SCN10A: variants seen among roughly 807,000 people sequenced by gnomAD.
SCN10A encodes sodium voltage-gated channel alpha subunit 10, also known as sodium channel protein type 10 subunit alpha.
A neutral mutation model predicts 170.7 loss-of-function variants in SCN10A; 162 were observed. The observed-to-expected ratio is 0.95, with a 90% CI of 0.84 to 1.08. The LOEUF (loss-of-function observed/expected upper bound fraction) is 1.08. SCN10A is among the 50% of genes least tolerant of loss of function. SCN10A has a pLI of 0.00. For synonymous variants in SCN10A, 985 were observed against 904.6 expected, an observed-to-expected ratio of 1.09 and a Z score of -1.59; for missense variants, 2,527 against 2,436.9, an observed-to-expected ratio of 1.04 and a Z score of -0.78.
At chr3:38,791,457 A>G (rs1177902127) in intron 3 of SCN10A, among the ~76,000 whole-genome samples, 1 of 152,204 alleles carries the variant, frequency 6.6e-6, no homozygotes, top group African/African-American at 2.4e-5. Context: ...GATTATTGAC[A>G]TTTTAAACCT....
intron 4 of SCN10A, among the ~76,000 whole-genome samples, chr3:38,780,764 G>T (rs1220395658): frequency 6.6e-6 from 1 of 152,056 alleles, no homozygotes; most frequent in Non-Finnish European, 1.5e-5. Flanking sequence ...AGTTCAAAAT[G>T]GGTTGTAAAG....
intron 6 of SCN10A, 109 bp from the exon 7 acceptor site, chr3:38,761,492 G>A (rs2126032485): frequency 2.2e-6 from 2 of 928,024 alleles, no homozygotes; most frequent in Non-Finnish European, 3.2e-6. Context: ...AGTGAAGTAT[G>A]TACACACTCC....
intron 8 of SCN10A, among the ~76,000 whole-genome samples, chr3:38,759,701 T>C (rs989037427): frequency 1.3e-5 from 2 of 152,170 alleles, no homozygotes; most frequent in Non-Finnish European, 2.9e-5. Flanking sequence ...AGATTTTATA[T>C]AAAAATCTAA....
At chr3:38,716,686 G>T (rs1417958536) in intron 21 of SCN10A, among the ~76,000 whole-genome samples, 1 of 152,164 alleles carries the variant, frequency 6.6e-6, no homozygotes, top group Non-Finnish European at 1.5e-5. Context: ...ATAGTTGAAT[G>T]GAAGGATGGG....
In SCN10A at chr3:38,713,939, G is replaced by T. The variant is rs769715263; in HGVS notation, c.3804+19C>A. On this transcript the variant is annotated intron_variant, in intron 22 of 27. Transcript: ENST00000449082. ...CACCGTGCCTGGCCAGATGAGAGAA[G>T]TTTTGAGATCAGACTTACCCGCATG... 9.3e-6 allele frequency: 15 copies of T among 1,612,310 alleles called. No homozygotes were observed. The highest frequency in any genetic ancestry group is 5.0e-5 in the Admixed American group (3 of 60,012).
At position 38,728,789 on chromosome 3, in the gene SCN10A, A is replaced by G; in HGVS notation, c.2393T>C (p.Val798Ala). ...GNLTIILAII[V>A]FVFALVGKQL... ...CTTGCCAACCAGAGCAAAGACAAAG[A>G]CAATGATGGCCAGGATGATGGTGAG... Residue 798 changes from valine to alanine, a missense_variant, in exon 16 of 28, where the codon GTC becomes GCC. By Grantham distance (64) the Val-to-Ala change is moderately conservative (BLOSUM62 0). Transcript: ENST00000449082. The G allele has an allele frequency of 1.2e-6, 2 of 1,614,130 alleles. No individual in the cohort carries two copies. Among genetic ancestry groups the G allele is most frequent in the Non-Finnish European group, 1.7e-6 (2 of 1,180,044 alleles).
At chr3:38,703,236 G>A (rs572106664) in intron 26 of SCN10A, among the ~76,000 whole-genome samples, 7 of 152,166 alleles carry the variant, frequency 4.6e-5, no homozygotes, top group Non-Finnish European at 1.0e-4. Flanking sequence ...GTAATGATGG[G>A]TGAGGCTCTT....
Position 38,761,218 on chromosome 3 carries a change from G to T in SCN10A, c.857C>A (p.Thr286Lys), listed in dbSNP as rs147150438. 3 of 1,607,764 alleles carry T rather than the reference G, an allele frequency of 1.9e-6. No individual in the cohort carries two copies. Among genetic ancestry groups the T allele is most frequent in the Non-Finnish European group, 2.6e-6 (3 of 1,175,556 alleles). ...TTTTCTGTGAGATGAGTAGTTGGTT[G>T]TCTCATTGACAGCCATGTCATTCTT... ...CVKNDMAVNETTNYSSHRKPD... is the reference protein window; with the variant it reads ...CVKNDMAVNEKTNYSSHRKPD... The change falls in exon 7 of 28, where the codon ACA becomes AAA. Residue 286 changes from threonine (T) to lysine (K), a missense_variant. Transcript: ENST00000449082.
chr3:38,706,031 A>G (rs7429946), intron 26 of SCN10A, among the ~76,000 whole-genome samples: 15,468 of 152,214 alleles, frequency 0.1, 1,010 homozygotes, highest in East Asian at 0.31. Context: ...TCTTGATTGT[A>G]TGGGTGATTT....
chr3:38,758,391 A>C (rs73062597), intron 8 of SCN10A, among the ~76,000 whole-genome samples: 2 of 152,206 alleles, frequency 1.3e-5, no homozygotes, highest in African/African-American at 4.8e-5. Flanking sequence ...GCATATAAAC[A>C]GTTCACTGCT....
At chr3:38,744,391 G>A (rs1040349512) in intron 13 of SCN10A, among the ~76,000 whole-genome samples, 5 of 151,728 alleles carry the variant, frequency 3.3e-5, no homozygotes, top group African/African-American at 1.2e-4. Flanking sequence ...TGCTAACAGT[G>A]TTTTTTCCTG....
intron 4 of SCN10A, among the ~76,000 whole-genome samples, chr3:38,779,067 G>T (rs1424515302): frequency 6.9e-6 from 1 of 144,784 alleles, no homozygotes; most frequent in East Asian, 2.0e-4. Context: ...ACACCCCTTT[G>T]ACCTGGCAAT....
At chr3:38,810,354 G>T (rs183362404) in intron 1 of SCN10A, among the ~76,000 whole-genome samples, 7 of 152,272 alleles carry the variant, frequency 4.6e-5, no homozygotes, top group Admixed American at 3.3e-4. Flanking sequence ...GGGAAGCAAA[G>T]GATACGCAGG....
chr3:38,739,510 A>G lies in SCN10A; in HGVS notation c.2280+5T>C. ...TTCCCCAAGCCATCAAGAGAAAAACATTACCAAGCGGAAGCTCCGCAGCAC... is the reference window on the plus strand; with the variant it reads ...TTCCCCAAGCCATCAAGAGAAAAACGTTACCAAGCGGAAGCTCCGCAGCAC... On this transcript the variant is annotated splice_donor_5th_base_variant and intron_variant, in intron 15 of 27. Coordinates refer to ENST00000449082, the MANE Select transcript of SCN10A (RefSeq NM_006514.4). 1.9e-6 allele frequency: 3 copies of G among 1,612,660 alleles called. No homozygotes were observed. The highest frequency in any genetic ancestry group is 1.7e-5 in the Admixed American group (1 of 59,926).
intron 4 of SCN10A, among the ~76,000 whole-genome samples, chr3:38,784,690 T>C (rs1353859969): frequency 6.6e-6 from 1 of 152,138 alleles, no homozygotes; most frequent in African/African-American, 2.4e-5. Flanking sequence ...GGAAGTCAAA[T>C]TGTCTCTGTT....
At chr3:38,724,114 T>A (rs2063427321) in intron 18 of SCN10A, among the ~76,000 whole-genome samples, 1 of 152,194 alleles carries the variant, frequency 6.6e-6, no homozygotes, top group Non-Finnish European at 1.5e-5. Context: ...GGAAGAAGCA[T>A]GACATCCACG....
At chr3:38,752,649 A>C in intron 11 of SCN10A, 137 bp from the exon 12 acceptor site, 1 of 612,054 alleles carries the variant, frequency 1.6e-6, no homozygotes, top group Non-Finnish European at 2.6e-6. Context: ...AAAGGCACAA[A>C]TCTAAGGGGT....
chr3:38,707,399 C>G lies in SCN10A; in HGVS notation c.4282-16G>C, dbSNP rs376080236. 50 of 1,611,826 alleles carry G rather than the reference C, an allele frequency of 3.1e-5. No individual in the cohort carries two copies. The African/African-American group carries it at 6.3e-4, about 20-fold the overall frequency. ...GGCCCCCTAAGTGCAGAGAGGGCCA[C>G]ACTGTTACTAAAGCAAGAGGAACCC... On this transcript the variant is annotated splice_polypyrimidine_tract_variant and intron_variant, in intron 25 of 27. Transcript: ENST00000449082.
At chr3:38,774,092 T>TA (rs1041403413) in intron 4 of SCN10A, among the ~76,000 whole-genome samples, 172 of 152,328 alleles carry the variant, frequency 1.1e-3, no homozygotes, top group African/African-American at 3.8e-3. Context: ...AAAGTCAAGT[T>TA]AAAAAGTGAA....
Sources: allele counts gnomAD v4.1 joint callset (sites outside exome capture counted in the v4.1 genomes callset), GRCh38; gene constraint gnomAD v4.1.1; transcripts MANE v1.5; gene names NCBI Gene and HGNC (gene_info 2026-07-23, HGNC 2026-07-21).